SLC5A10: variants seen among roughly 807,000 people sequenced by gnomAD.
The protein encoded by SLC5A10 is solute carrier family 5 member 10.
Under a neutral mutation model 68.9 loss-of-function variants are expected in SLC5A10, and 55 were observed. The ratio of observed to expected loss-of-function variants is 0.80; its 90% CI spans 0.64 to 1.00. The LOEUF is 1.00. Among genes scored for constraint, SLC5A10 ranks in the 50% least tolerant of loss-of-function variants. The probability of loss-of-function intolerance (pLI) is 0.00; values close to 1 mark genes in which losing one functional copy is unlikely to be tolerated. For missense variants in SLC5A10, 732 were observed against 819.3 expected (o/e 0.89, Z 1.30); for synonymous variants, 344 against 344.8 (o/e 1.00, Z 0.02).
At chr17:18,959,771 T>C in intron 4 of SLC5A10, 108 bp downstream of exon 4, 1 of 980,296 alleles carries the variant, frequency 1.0e-6, no homozygotes, top group Non-Finnish European at 1.6e-6. Flanking sequence ...GGTAAACTCT[T>C]AGGGCTGGGT....
chr17:18,968,735 A>AG lies in SLC5A10; in HGVS notation c.454-314dup, dbSNP rs2042762666. ...AGGTGCCCCTGGGAACCGAGGGGAC[A>AG]GGGCTCTGCCTTTTATCCCCTCGGG... is the stretch of plus-strand genomic sequence containing the variant. On this transcript the variant is annotated intron_variant, in intron 5 of 14. Transcript: ENST00000395645. This position sits in a 1 kb window ranked among gnomAD's most constrained non-coding sequence, Gnocchi z 4.1. 5.7e-6 allele frequency: 2 copies of AG among 350,880 alleles called. No homozygotes were observed. Among genetic ancestry groups the AG allele is most frequent in the Admixed American group, 4.4e-5 (1 of 22,478 alleles). 21.7% of individuals were successfully genotyped at this position (350,880 alleles called of 1,614,324 possible).
intron 4 of SLC5A10, 51 bp from the exon 5 acceptor site, chr17:18,960,497 C>A: frequency 1.3e-6 from 2 of 1,513,134 alleles, no homozygotes; most frequent in Non-Finnish European, 1.8e-6. Flanking sequence ...CTGCCTGGAG[C>A]CCTGGGCATC....
chr17:18,972,575 G>A (rs916984112), intron 8 of SLC5A10, among the ~76,000 whole-genome samples: 2 of 152,124 alleles, frequency 1.3e-5, no homozygotes, highest in South Asian at 2.1e-4. Context: ...CAGTAAGAAC[G>A]GACCTGGCCG....
rs1450539950 is a variant in SLC5A10 at position 19,022,402 on chromosome 17, G to A, written c.*1971G>A. ...GCCGCCCAGCTGGGACAATAGGGCT[G>A]GTGGGTCAGGGGACCTGAGTCCTGG... is the stretch of plus-strand genomic sequence containing the variant. On this transcript the variant is annotated 3_prime_UTR_variant, in exon 15 of 15. Transcript: ENST00000395645. The A allele has an allele frequency of 1.8e-5, 7 of 380,212 alleles. No individual in the cohort carries two copies. In the East Asian group the frequency reaches 2.7e-4, roughly 15 times the overall value. 23.6% of individuals were successfully genotyped at this position (380,212 alleles called of 1,614,324 possible).
At chr17:18,991,051 A>C (rs982952228) in intron 9 of SLC5A10, among the ~76,000 whole-genome samples, 1 of 152,134 alleles carries the variant, frequency 6.6e-6, no homozygotes, top group Non-Finnish European at 1.5e-5. Context: ...TACCTTGTTC[A>C]GGCCTCACAA....
In SLC5A10 at chr17:19,015,216, C is replaced by T; in HGVS notation, c.1241+17C>T. The T allele has an allele frequency of 1.1e-6, 1 of 939,702 alleles. No individual in the cohort carries two copies. 58.2% of individuals were successfully genotyped at this position (939,702 alleles called of 1,614,324 possible). On this transcript the variant is annotated intron_variant, in intron 11 of 14. Transcript: ENST00000395645. ...GGTGGGACGGTACGGGGGTGGGGGCCAGTACGGGGGTGGGGGAACACTACA... is the reference window on the plus strand; with the variant it reads ...GGTGGGACGGTACGGGGGTGGGGGCTAGTACGGGGGTGGGGGAACACTACA...
chr17:18,956,718 C>G (rs1473957156), intron 1 of SLC5A10, among the ~76,000 whole-genome samples: 1 of 152,130 alleles, frequency 6.6e-6, no homozygotes, highest in Admixed American at 6.6e-5. Flanking sequence ...TTGAGTAACC[C>G]TCCTTCCTTG....
chr17:18,996,096 A>G lies in SLC5A10; in HGVS notation c.983-17314A>G, dbSNP rs73306492. Among the ~76,000 whole-genome samples the G allele has an allele frequency of 0.093, 14,048 of 151,708 alleles. 1,204 individuals carry two copies. Among genetic ancestry groups the G allele is most frequent in the South Asian group, 0.32 (1,529 of 4,764 alleles). ...TGGACTTCTCATCAGAATCACTGCAAGCCACAAGACAACAGGCAATATCTT... is the reference window on the plus strand; with the variant it reads ...TGGACTTCTCATCAGAATCACTGCAGGCCACAAGACAACAGGCAATATCTT... On this transcript the variant is annotated intron_variant, in intron 9 of 14. Transcript: ENST00000395645. The surrounding 1 kb of genome is among the most constrained non-coding windows in gnomAD (Gnocchi z 4.4).
intron 4 of SLC5A10, among the ~76,000 whole-genome samples, chr17:18,960,063 G>C (rs2042581941): frequency 2.0e-5 from 3 of 152,114 alleles, no homozygotes; most frequent in Admixed American, 6.5e-5. Context: ...GCACACCTGG[G>C]CCGCACAATT....
chr17:18,984,134 A>G (rs1313508690), intron 9 of SLC5A10, among the ~76,000 whole-genome samples: 1 of 152,054 alleles, frequency 6.6e-6, no homozygotes, highest in Non-Finnish European at 1.5e-5. Flanking sequence ...CGAGGTCAGC[A>G]GATCGAGACC....
intron 9 of SLC5A10, among the ~76,000 whole-genome samples, chr17:19,002,039 C>T (rs1421061957): frequency 2.0e-5 from 3 of 152,196 alleles, no homozygotes; most frequent in African/African-American, 7.2e-5. Flanking sequence ...GCACAGACAT[C>T]AGCAGCACTT....
intron 11 of SLC5A10, 52 bp downstream of exon 11, chr17:19,015,251 GC>G: frequency 8.3e-7 from 1 of 1,207,054 alleles, no homozygotes; most frequent in Non-Finnish European, 1.1e-6. Context: ...AAGGGTGGGC[GC>G]CCGCACTGAC....
intron 9 of SLC5A10, chr17:18,977,290 C>T: frequency 5.2e-6 from 3 of 577,062 alleles, no homozygotes; most frequent in Non-Finnish European, 9.1e-6. Context: ...CTGGCAGGTG[C>T]CATCAAGATC....
chr17:19,019,647 C>A, intron 12 of SLC5A10, 56 bp downstream of exon 12: 1 of 1,603,384 alleles, frequency 6.2e-7, no homozygotes. Context: ...CTCTTCCCTG[C>A]TGCCTGTGGG....
intron 8 of SLC5A10, among the ~76,000 whole-genome samples, chr17:18,973,110 G>A (rs1567786823): frequency 6.6e-6 from 1 of 152,252 alleles, no homozygotes; most frequent in Non-Finnish European, 1.5e-5. Context: ...GCCCCAGTGG[G>A]CAAGGGGCTG....
rs761079286 is a variant in SLC5A10 at position 19,003,630 on chromosome 17, T to C, written c.983-9780T>C. On this transcript the variant is annotated intron_variant, in intron 9 of 14. Transcript: ENST00000395645. The surrounding 1 kb of genome is among the most constrained non-coding windows in gnomAD (Gnocchi z 4.5). ...CGGGTCACGCCGCGGTAGGCGATGG[T>C]GTCGGGCCAGCCCAGGTCCAGCTGC... 6.2e-7 allele frequency: 1 copy of C among 1,612,320 alleles called. No homozygotes were observed. The highest frequency in any genetic ancestry group is 8.5e-7 in the Non-Finnish European group (1 of 1,179,540).
intron 9 of SLC5A10, among the ~76,000 whole-genome samples, chr17:19,005,152 G>A (rs1435044836): frequency 6.6e-6 from 1 of 152,220 alleles, no homozygotes; most frequent in East Asian, 1.9e-4. Context: ...TGTGGAAACA[G>A]GTCTAGGGTA....
Position 19,004,260 on chromosome 17 carries a change from C to G in SLC5A10, c.983-9150C>G. 7.4e-6 allele frequency: 3 copies of G among 406,242 alleles called. No individual in the cohort carries two copies. The highest frequency in any genetic ancestry group is 4.6e-5 in the Admixed American group (1 of 21,660). 25.2% of individuals were successfully genotyped at this position (406,242 alleles called of 1,614,324 possible). On this transcript the variant is annotated intron_variant, in intron 9 of 14. Coordinates refer to ENST00000395645, the MANE Select transcript of SLC5A10 (RefSeq NM_001042450.4). The surrounding 1 kb of genome is among the most constrained non-coding windows in gnomAD (Gnocchi z 5.4). ...GGGCGGGGCCGGGAACTCAGGTGGG[C>G]GTGGGAAGGACGGGGCTGGGGCTGG... is the stretch of plus-strand genomic sequence containing the variant.
intron 9 of SLC5A10, among the ~76,000 whole-genome samples, chr17:19,009,249 C>A (rs867650150): frequency 6.6e-6 from 1 of 152,034 alleles, no homozygotes; most frequent in Non-Finnish European, 1.5e-5. Context: ...TGGAGTGCAG[C>A]GGTGCAATCA....
Sources: gnomAD v4.1 joint callset for allele counts (sites outside exome capture counted in the v4.1 genomes callset) on GRCh38, gnomAD v4.1.1 for gene constraint, Gnocchi (gnomAD v3.1) non-coding constraint, MANE v1.5 for transcripts, NCBI Gene and HGNC (gene_info 2026-07-23, HGNC 2026-07-21) for gene names.